RPH3A: variants seen among roughly 807,000 people sequenced by gnomAD.
RPH3A encodes rabphilin 3A, also known as rabphilin-3A.
Under a neutral mutation model 102.2 loss-of-function variants are expected in RPH3A, and 48 were observed. The observed-to-expected ratio is 0.47, with a 90% confidence interval of 0.37 to 0.60. The LOEUF (loss-of-function observed/expected upper bound fraction) is 0.60, where lower values mean the gene tolerates loss of function less well. Ranked by LOEUF, RPH3A falls within the 20% of genes least tolerant of loss-of-function variation. The pLI, the probability that RPH3A is intolerant of heterozygous loss-of-function variation, is 0.00. For missense variants in RPH3A, 781 were observed against 910.1 expected (o/e 0.86, Z 1.83); for synonymous variants, 310 against 324.3 (o/e 0.96, Z 0.47).
In RPH3A at chr12:112,827,816, G is replaced by A. The variant is rs577475479; in HGVS notation, c.-18-485G>A. Among the ~76,000 whole-genome samples the A allele has an allele frequency of 5.9e-5, 9 of 151,890 alleles. No homozygotes were observed. The South Asian group carries it at 1.9e-3, about 32-fold the overall frequency. ...TAATGTAGATGATGGGTTGATGGGT[G>A]CAGCAAACCACTATGGCACATGTAT... On this transcript the variant is annotated intron_variant, in intron 2 of 21. Coordinates refer to ENST00000389385, the MANE Select transcript of RPH3A (RefSeq NM_001143854.2).
At chr12:112,885,638 A>C (rs902874905) in intron 16 of RPH3A, among the ~76,000 whole-genome samples, 6 of 152,176 alleles carry the variant, frequency 3.9e-5, no homozygotes, top group African/African-American at 1.4e-4. Context: ...AATATTCATG[A>C]GGTATATAGG....
chr12:112,579,255 A>C (rs57485365), intron 1 of RPH3A, among the ~76,000 whole-genome samples: 17,560 of 152,138 alleles, frequency 0.12, 1,222 homozygotes, highest in South Asian at 0.37. Flanking sequence ...CCCCTCATGT[A>C]CTGATTGGCT....
intron 1 of RPH3A, among the ~76,000 whole-genome samples, chr12:112,767,299 A>G (rs1346421133): frequency 1.3e-5 from 2 of 152,078 alleles, no homozygotes; most frequent in Non-Finnish European, 2.9e-5. Context: ...GGGCAATGCT[A>G]TTGGCATCCT....
chr12:112,634,569 G>A (rs1380078943), intron 1 of RPH3A, among the ~76,000 whole-genome samples: 1 of 151,152 alleles, frequency 6.6e-6, no homozygotes, highest in Non-Finnish European at 1.5e-5. Context: ...AAAAAAAAGG[G>A]TCACTATTTT....
chr12:112,646,471 C>T (rs556202456), intron 1 of RPH3A, among the ~76,000 whole-genome samples: 79 of 152,312 alleles, frequency 5.2e-4, no homozygotes, highest in Admixed American at 2.4e-3. Flanking sequence ...CAGACGTCCA[C>T]TCACATCTCA....
intron 4 of RPH3A, among the ~76,000 whole-genome samples, chr12:112,844,764 T>G (rs934642738): frequency 1.3e-5 from 2 of 152,194 alleles, no homozygotes; most frequent in Admixed American, 1.3e-4. Context: ...AAAAGTGGCT[T>G]AAAATTATAG....
At chr12:112,756,904 T>G (rs1488854455) in intron 1 of RPH3A, among the ~76,000 whole-genome samples, 1 of 152,232 alleles carries the variant, frequency 6.6e-6, no homozygotes, top group East Asian at 1.9e-4. Context: ...AAAAGTATTA[T>G]TAACCTTTCC....
intron 1 of RPH3A, among the ~76,000 whole-genome samples, chr12:112,608,229 C>T (rs927762179): frequency 1.1e-4 from 16 of 151,846 alleles, no homozygotes; most frequent in Middle Eastern, 3.2e-3. Flanking sequence ...GATTTTCCAG[C>T]CTCAGCCTCC....
chr12:112,798,857 C>T (rs569502122), intron 2 of RPH3A, among the ~76,000 whole-genome samples: 51 of 152,112 alleles, frequency 3.4e-4, no homozygotes, highest in Non-Finnish European at 6.9e-4. Context: ...CCCTTTCTCT[C>T]TCCTCTGCCC....
chr12:112,817,584 G>T (rs563666728), intron 2 of RPH3A, among the ~76,000 whole-genome samples: 1 of 149,594 alleles, frequency 6.7e-6, no homozygotes, highest in South Asian at 2.1e-4. Context: ...CCCCGCACAC[G>T]CAGCCTTTTT....
At chr12:112,754,451 A>G (rs966810666) in intron 1 of RPH3A, among the ~76,000 whole-genome samples, 3 of 152,232 alleles carry the variant, frequency 2.0e-5, no homozygotes, top group African/African-American at 4.8e-5. Flanking sequence ...CAAACCATGA[A>G]CCATGAACCA....
chr12:112,819,489 T>C (rs2041739523), intron 2 of RPH3A, among the ~76,000 whole-genome samples: 1 of 152,192 alleles, frequency 6.6e-6, no homozygotes, highest in African/African-American at 2.4e-5. Context: ...GGAGGTAGGA[T>C]TGGATCCCAG....
intron 1 of RPH3A, among the ~76,000 whole-genome samples, chr12:112,689,163 C>A (rs999078685): frequency 6.6e-6 from 1 of 152,154 alleles, no homozygotes; most frequent in Non-Finnish European, 1.5e-5. Flanking sequence ...GACAGGTAAC[C>A]TGAATGACTA....
At chr12:112,612,774 TCAGATTGCC>T (rs925361745) in intron 1 of RPH3A, among the ~76,000 whole-genome samples, 1 of 151,566 alleles carries the variant, frequency 6.6e-6, no homozygotes, top group African/African-American at 2.4e-5. Flanking sequence ...TGGAGTTTCA[TCAGATTGCC>T]CAAGCTGGTT....
intron 1 of RPH3A, among the ~76,000 whole-genome samples, chr12:112,591,903 T>A (rs1037632921): frequency 6.6e-6 from 1 of 152,196 alleles, no homozygotes; most frequent in Non-Finnish European, 1.5e-5. Context: ...CGTCCCTCAG[T>A]ATCCCCGGGG....
At chr12:112,835,192 C>A (rs912884126) in intron 3 of RPH3A, among the ~76,000 whole-genome samples, 1 of 152,152 alleles carries the variant, frequency 6.6e-6, no homozygotes, top group Non-Finnish European at 1.5e-5. Context: ...TTTGAAGACA[C>A]TATTGAACTC....
At chr12:112,708,951 GGA>G (rs1227611916) in intron 1 of RPH3A, among the ~76,000 whole-genome samples, 3 of 152,008 alleles carry the variant, frequency 2.0e-5, no homozygotes, top group Non-Finnish European at 4.4e-5. Flanking sequence ...CTCATTTATT[GGA>G]GTTCAGGCAT....
chr12:112,727,135 T>C (rs887310830), intron 1 of RPH3A, among the ~76,000 whole-genome samples: 1 of 152,088 alleles, frequency 6.6e-6, no homozygotes, highest in African/African-American at 2.4e-5. Flanking sequence ...ACCTATTATC[T>C]TCACTCTTGG....
intron 1 of RPH3A, among the ~76,000 whole-genome samples, chr12:112,667,244 C>A (rs1347923134): frequency 6.6e-6 from 1 of 152,188 alleles, no homozygotes; most frequent in Non-Finnish European, 1.5e-5. Context: ...AGATACATAT[C>A]TCTAGCCCCA....
Sources: gnomAD v4.1 joint callset for allele counts (sites outside exome capture counted in the v4.1 genomes callset) on GRCh38, gnomAD v4.1.1 for gene constraint, MANE v1.5 for transcripts, NCBI Gene and HGNC (gene_info 2026-07-23, HGNC 2026-07-21) for gene names.